CRIM1: variants seen among roughly 807,000 people sequenced by gnomAD.
The protein encoded by CRIM1 is cysteine-rich motor neuron 1 protein.
Under a neutral mutation model 116.4 loss-of-function variants are expected in CRIM1, and 32 were observed. The ratio of observed to expected loss-of-function variants is 0.27; its 90% CI spans 0.21 to 0.37. The LOEUF (loss-of-function observed/expected upper bound fraction) is 0.37. Ranked by LOEUF, CRIM1 falls within the 10% of genes least tolerant of loss-of-function variation. CRIM1 has a pLI of 1.00. For synonymous variants in CRIM1, 590 were observed against 509.2 expected, an observed-to-expected ratio of 1.16 and a Z score of -2.13; for missense variants, 1,331 against 1,354.8, an observed-to-expected ratio of 0.98 and a Z score of 0.28.
chr2:36,368,534 G>A (rs1056911441), intron 1 of CRIM1, among the ~76,000 whole-genome samples: 1 of 152,142 alleles, frequency 6.6e-6, no homozygotes, highest in Admixed American at 6.5e-5. Context: ...TGCCCAGCAC[G>A]GCTTCCAGTG....
Position 36,479,685 on chromosome 2 carries a change from G to C in CRIM1, c.1363G>C (p.Val455Leu). ...PVKVPGECCP[V>L]CEEPTIITVD... Reference sequence around the variant, plus strand: ...GAAAGTGCCTGGGGAGTGTTGCCCTGTGTGCGAAGGTAAATCTTGCAGATG... The same window carrying C: ...GAAAGTGCCTGGGGAGTGTTGCCCTCTGTGCGAAGGTAAATCTTGCAGATG... The change falls in exon 7 of 17, where the codon GTG becomes CTG. Residue 455 changes from valine to leucine, a missense_variant. Coordinates refer to ENST00000280527, the MANE Select transcript of CRIM1 (RefSeq NM_016441.3). 6.2e-7 allele frequency: 1 copy of C among 1,614,106 alleles called. No homozygotes were observed. The highest frequency in any genetic ancestry group is 8.5e-7 in the Non-Finnish European group (1 of 1,179,926).
At chr2:36,453,892 A>C (rs1676927472) in intron 4 of CRIM1, among the ~76,000 whole-genome samples, 2 of 152,218 alleles carry the variant, frequency 1.3e-5, no homozygotes, top group African/African-American at 2.4e-5. Flanking sequence ...AGGGCATTCT[A>C]GGCTGTTGTT....
At chr2:36,527,707 A>T (rs915334120) in intron 13 of CRIM1, among the ~76,000 whole-genome samples, 18 of 152,210 alleles carry the variant, frequency 1.2e-4, no homozygotes, top group Non-Finnish European at 1.8e-4. Context: ...GTCATTGTGT[A>T]TTTAATTCAG....
chr2:36,548,585 G>C lies in CRIM1; in HGVS notation c.2995G>C (p.Val999Leu), dbSNP rs149808214. 6 of 1,611,948 alleles carry C rather than the reference G, an allele frequency of 3.7e-6. No individual in the cohort carries two copies. In the South Asian group the frequency reaches 6.6e-5, roughly 18 times the overall value. The change falls in exon 17 of 17, where the codon GTG becomes CTG. Residue 999 changes from valine (V) to leucine (L), a missense_variant. Val to Leu is a conservative substitution (Grantham distance 32). Transcript: ENST00000280527. ...VDCKKGTRVQ[V>L]DSSQRMLRIA... ...CTGCAAGAAAGGAACCAGAGTCCAG[G>C]TGGACAGTTCCCAGAGAATGCTAAG...
chr2:36,443,541 T>A (rs1676018045), intron 4 of CRIM1, among the ~76,000 whole-genome samples: 1 of 152,226 alleles, frequency 6.6e-6, no homozygotes, highest in South Asian at 2.1e-4. Context: ...TCATTTCATG[T>A]TTTTCAGCTT....
chr2:36,380,906 C>A (rs1043670932), intron 1 of CRIM1, among the ~76,000 whole-genome samples: 1 of 152,208 alleles, frequency 6.6e-6, no homozygotes, highest in Non-Finnish European at 1.5e-5. Context: ...GATATCTCGA[C>A]CATGTCTGCA....
intron 7 of CRIM1, among the ~76,000 whole-genome samples, chr2:36,486,072 C>T (rs1410448797): frequency 2.6e-5 from 4 of 152,132 alleles, no homozygotes; most frequent in Non-Finnish European, 4.4e-5. Flanking sequence ...TGATTTTTCT[C>T]TGATCATTTA....
At chr2:36,528,653 A>ACT (rs1572936247) in intron 13 of CRIM1, among the ~76,000 whole-genome samples, 1 of 152,166 alleles carries the variant, frequency 6.6e-6, no homozygotes, top group East Asian at 1.9e-4. Flanking sequence ...GTTACTGTGG[A>ACT]CCTACACGGA....
chr2:36,536,987 A>T (rs1434021034), intron 13 of CRIM1, among the ~76,000 whole-genome samples: 1 of 152,142 alleles, frequency 6.6e-6, no homozygotes, highest in Non-Finnish European at 1.5e-5. Flanking sequence ...ACTCCTTACC[A>T]TTCCCCTGTA....
At chr2:36,392,680 T>C (rs1296226686) in intron 1 of CRIM1, among the ~76,000 whole-genome samples, 1 of 152,230 alleles carries the variant, frequency 6.6e-6, no homozygotes, top group African/African-American at 2.4e-5. Flanking sequence ...TTTTAAAATA[T>C]AGTGTTCTGT....
chr2:36,418,329 G>A (rs763204888), intron 2 of CRIM1, among the ~76,000 whole-genome samples: 2 of 152,100 alleles, frequency 1.3e-5, no homozygotes, highest in Non-Finnish European at 2.9e-5. Flanking sequence ...TTTTTGAGAT[G>A]GTCTCGCTCT....
At chr2:36,399,020 A>C (rs1672235805) in intron 2 of CRIM1, among the ~76,000 whole-genome samples, 1 of 152,220 alleles carries the variant, frequency 6.6e-6, no homozygotes, top group Non-Finnish European at 1.5e-5. Flanking sequence ...TTCAGAAGTG[A>C]GGCCAACATG....
rs1482824451 is a variant in CRIM1 at position 36,441,300 on chromosome 2, T to C, written c.548T>C (p.Phe183Ser). The change falls in exon 3 of 17, where the codon TTC (phenylalanine) becomes TCC (serine). Residue 183 changes from phenylalanine (F) to serine (S), a missense_variant. Phe to Ser is a radical substitution (Grantham distance 155, BLOSUM62 -2). Coordinates refer to ENST00000280527, the MANE Select transcript of CRIM1 (RefSeq NM_016441.3). ...TCCAAGGCCCGCTGTGAAGTCCAGT[T>C]CTCTCCACGTTGTCCTGAAGATTCT... ...DCSKARCEVQFSPRCPEDSVL... is the reference protein window; with the variant it reads ...DCSKARCEVQSSPRCPEDSVL... 1.2e-6 allele frequency: 2 copies of C among 1,614,060 alleles called. No homozygotes were observed. The highest frequency in any genetic ancestry group is 1.7e-6 in the Non-Finnish European group (2 of 1,180,032).
Position 36,373,195 on chromosome 2 carries a change from C to T in CRIM1, c.331+16572C>T, listed in dbSNP as rs138721853. ...TAAATCGAGGGTGTGGGTAAAGGAC[C>T]CAGAACTGTTCTTGCTGATGGAATA... On this transcript the variant is annotated intron_variant, in intron 1 of 16. Transcript: ENST00000280527. 2.5e-3 allele frequency among the ~76,000 whole-genome samples: 379 copies of T among 152,166 alleles called. 2 individuals carry two copies. Among genetic ancestry groups the T allele is most frequent in the African/African-American group, 8.5e-3 (351 of 41,490 alleles).
In CRIM1 at chr2:36,500,501, T is replaced by C. The variant is rs147107968; in HGVS notation, c.1501+1154T>C. Among the ~76,000 whole-genome samples the C allele has an allele frequency of 1.3e-3, 196 of 152,346 alleles. 1 individual carries two copies. The highest frequency in any genetic ancestry group is 4.7e-3 in the African/African-American group (194 of 41,576). ...GCTGTTAGGTGGTTCTCATCTGTTC[T>C]GTAATAGAACGTTTGATTTTTTTTT... is the stretch of plus-strand genomic sequence containing the variant. On this transcript the variant is annotated intron_variant, in intron 8 of 16. Coordinates refer to ENST00000280527, the MANE Select transcript of CRIM1 (RefSeq NM_016441.3).
intron 2 of CRIM1, among the ~76,000 whole-genome samples, chr2:36,403,197 A>G (rs368065207): frequency 7.2e-5 from 11 of 152,300 alleles, no homozygotes; most frequent in African/African-American, 2.4e-4. Context: ...ATTGGTGTAG[A>G]ATATGTGGAA....
At chr2:36,361,295 C>T (rs1669207613) in intron 1 of CRIM1, among the ~76,000 whole-genome samples, 1 of 152,136 alleles carries the variant, frequency 6.6e-6, no homozygotes, top group Admixed American at 6.5e-5. Flanking sequence ...AAGAGGTTGG[C>T]AGTAGGGTTG....
At chr2:36,417,103 A>G (rs1673678790) in intron 2 of CRIM1, among the ~76,000 whole-genome samples, 2 of 152,182 alleles carry the variant, frequency 1.3e-5, no homozygotes, top group African/African-American at 4.8e-5. Context: ...GAAGGCTGTC[A>G]TTCTGCATGG....
Position 36,479,655 on chromosome 2 carries a change from C to T in CRIM1, c.1333C>T (p.Pro445Ser), listed in dbSNP as rs768788721. ...CGTCTGCGGACAGACCTGCACAAACCCTGTGAAAGTGCCTGGGGAGTGTTG... is the reference window on the plus strand; with the variant it reads ...CGTCTGCGGACAGACCTGCACAAACTCTGTGAAAGTGCCTGGGGAGTGTTG... Reference protein sequence around the residue: ...ATVCGQTCTNPVKVPGECCPV... With the variant: ...ATVCGQTCTNSVKVPGECCPV... The change falls in exon 7 of 17, where the codon CCT (proline) becomes TCT (serine). Residue 445 changes from proline (P) to serine (S), a missense_variant. By Grantham distance (74) the Pro-to-Ser change is moderately conservative. Transcript: ENST00000280527. The T allele has an allele frequency of 3.7e-6, 6 of 1,614,174 alleles. No individual in the cohort carries two copies. Among genetic ancestry groups the T allele is most frequent in the African/African-American group, 2.7e-5 (2 of 75,040 alleles).
Sources: gnomAD v4.1 joint callset for allele counts (sites outside exome capture counted in the v4.1 genomes callset) on GRCh38, gnomAD v4.1.1 for gene constraint, MANE v1.5 for transcripts, NCBI Gene and HGNC (gene_info 2026-07-23, HGNC 2026-07-21) for gene names.